The following TTC23 variants were observed in gnomAD, a reference collection of about 807,000 sequenced individuals.
TTC23 encodes tetratricopeptide repeat domain 23.
In TTC23, 58 loss-of-function variants were observed where a neutral mutation model predicts 55.1. The observed-to-expected ratio is 1.05, with a 90% confidence interval of 0.85 to 1.31. The LOEUF is 1.31. TTC23 is among the 50% of genes most tolerant of loss of function. The pLI, the probability that TTC23 is intolerant of heterozygous loss-of-function variation, is 0.00. For synonymous variants in TTC23, 203 were observed against 199.9 expected (o/e 1.02, Z -0.13); for missense variants, 516 against 534.4 (o/e 0.97, Z 0.34).
At chr15:99,232,816 A>T (rs1017812774) in intron 4 of TTC23, among the ~76,000 whole-genome samples, 1 of 152,214 alleles carries the variant, frequency 6.6e-6, no homozygotes, top group African/African-American at 2.4e-5. Flanking sequence ...GTATTAGTAT[A>T]TTGAAGAGAT....
intron 12 of TTC23, 115 bp from the exon 13 acceptor site, chr15:99,139,514 G>T (rs1170777830): frequency 6.4e-7 from 1 of 1,555,942 alleles, no homozygotes; most frequent in Non-Finnish European, 8.7e-7. Flanking sequence ...TGCTGTGATG[G>T]AATTAGCATG....
Position 99,138,063 on chromosome 15 carries a change from T to C in TTC23, c.1291A>G (p.Ile431Val), listed in dbSNP as rs1016351806. 1.2e-6 allele frequency: 2 copies of C among 1,613,998 alleles called. No homozygotes were observed. Among genetic ancestry groups the C allele is most frequent in the Non-Finnish European group, 8.5e-7 (1 of 1,180,008 alleles). ...SKAKVAFCTSIPQDTLLGKAR... is the reference protein window; with the variant it reads ...SKAKVAFCTSVPQDTLLGKAR... ...TTCCCCAGCAGGGTGTCCTGAGGGATGCTGGTGCAGAAGGCCACTTTGGCT... is the reference window on the plus strand; with the variant it reads ...TTCCCCAGCAGGGTGTCCTGAGGGACGCTGGTGCAGAAGGCCACTTTGGCT... The change falls in exon 14 of 14, where the codon ATC becomes GTC. Residue 431 changes from isoleucine (I) to valine (V), a missense_variant. Ile to Val is a conservative substitution (Grantham distance 29, BLOSUM62 3). Coordinates refer to ENST00000394132, the MANE Select transcript of TTC23 (RefSeq NM_001288615.3).
chr15:99,164,188 G>A (rs1014855870), intron 10 of TTC23, among the ~76,000 whole-genome samples: 1 of 152,228 alleles, frequency 6.6e-6, no homozygotes, highest in Admixed American at 6.5e-5. Context: ...AACTTATTCT[G>A]TAAAGGACAG....
chr15:99,208,443 A>T (rs1471975874), intron 8 of TTC23, among the ~76,000 whole-genome samples: 1 of 152,184 alleles, frequency 6.6e-6, no homozygotes, highest in Non-Finnish European at 1.5e-5. Context: ...AGTAGTGTGT[A>T]TACTATTCTT....
rs781808190 is a variant in TTC23, at chr15:99,138,028, G to A, written c.1326C>T (p.Pro442=). 1.3e-5 allele frequency: 21 copies of A among 1,613,912 alleles called. No individual in the cohort carries two copies. The highest frequency in any genetic ancestry group is 1.4e-5 in the Non-Finnish European group (17 of 1,179,994). ...PQDTLLGKAR[P]GTTAD is the part of the protein sequence containing the mutation. ...GGGGGCCTCAGTCTGCTGTTGTGCCGGGCCGGGCCTTCCCCAGCAGGGTGT... is the reference window on the plus strand; with the variant it reads ...GGGGGCCTCAGTCTGCTGTTGTGCCAGGCCGGGCCTTCCCCAGCAGGGTGT... Residue 442 remains proline (P), a synonymous_variant, in exon 14 of 14, where the codon CCC becomes CCT. Transcript: ENST00000394132.
intron 10 of TTC23, among the ~76,000 whole-genome samples, chr15:99,166,543 G>A (rs1353037845): frequency 1.3e-5 from 2 of 152,194 alleles, no homozygotes; most frequent in South Asian, 4.1e-4. Flanking sequence ...GAAGGGAGGA[G>A]AGTGCGGAAG....
At chr15:99,148,243 C>T (rs570288845) in intron 12 of TTC23, among the ~76,000 whole-genome samples, 4 of 150,722 alleles carry the variant, frequency 2.7e-5, no homozygotes, top group African/African-American at 9.8e-5. Context: ...TGCCTGTAGT[C>T]CAAACTACTC....
At chr15:99,161,666 C>A (rs2071394637) in intron 11 of TTC23, 74 bp downstream of exon 11, 1 of 1,523,546 alleles carries the variant, frequency 6.6e-7, no homozygotes, top group Non-Finnish European at 8.9e-7. Context: ...TTAATGGATG[C>A]TTGCAGAGTA....
At chr15:99,236,982 G>GT (rs200232010) in intron 3 of TTC23, among the ~76,000 whole-genome samples, 61,193 of 141,490 alleles carry the variant, frequency 0.43, 13,096 homozygotes, top group Middle Eastern at 0.6. Context: ...TCACTCCTAA[G>GT]TTTTTTTTTT....
At chr15:99,251,022 C>T (rs1014545154), upstream of TTC23, 7 of 150,226 alleles carry the variant, frequency 4.7e-5, no homozygotes, top group South Asian at 2.1e-4. Context: ...TTAGAACGAA[C>T]GCTCAACGTG....
At chr15:99,239,537 A>C (rs1204927479) in intron 3 of TTC23, among the ~76,000 whole-genome samples, 3 of 152,134 alleles carry the variant, frequency 2.0e-5, no homozygotes, top group African/African-American at 4.8e-5. Context: ...ATAAATAAAA[A>C]CGTTAAAGGT....
At chr15:99,167,749 T>C (rs2072328844) in intron 10 of TTC23, among the ~76,000 whole-genome samples, 2 of 152,206 alleles carry the variant, frequency 1.3e-5, no homozygotes, top group Non-Finnish European at 2.9e-5. Flanking sequence ...TGCGTTCATT[T>C]TCCTGTGGCT....
chr15:99,165,198 T>C (rs1019048794), intron 10 of TTC23, among the ~76,000 whole-genome samples: 2 of 152,014 alleles, frequency 1.3e-5, no homozygotes, highest in African/African-American at 4.8e-5. Flanking sequence ...GAAATGGACA[T>C]TGAGAGGACA....
chr15:99,171,534 C>T (rs1471556782), intron 10 of TTC23, among the ~76,000 whole-genome samples: 1 of 141,044 alleles, frequency 7.1e-6, no homozygotes, highest in Non-Finnish European at 1.5e-5. Flanking sequence ...TATTATGATT[C>T]TTGCTTGCTC....
intron 12 of TTC23, among the ~76,000 whole-genome samples, chr15:99,154,012 G>C (rs1478002021): frequency 2.0e-5 from 3 of 152,088 alleles, no homozygotes; most frequent in Non-Finnish European, 4.4e-5. Flanking sequence ...AGAAAAATAC[G>C]GTTTGCCAAA....
rs1175561784 is a variant in TTC23, at chr15:99,137,912, C to T, written c.*98G>A. 7.1e-6 allele frequency: 11 copies of T among 1,556,472 alleles called. No individual in the cohort carries two copies. Among genetic ancestry groups the T allele is most frequent in the Non-Finnish European group, 8.7e-6 (10 of 1,143,536 alleles). On this transcript the variant is annotated 3_prime_UTR_variant, in exon 14 of 14. Coordinates refer to ENST00000394132, the MANE Select transcript of TTC23 (RefSeq NM_001288615.3). ...AACAGTTGGCCTTGGAAATCTGTAT[C>T]CTGACTGTTGAATTCCATTTTCTAG...
In TTC23 at chr15:99,136,787, G is replaced by C. The variant is rs1050090015; in HGVS notation, c.*1223C>G. The stretch of plus-strand genomic sequence containing the variant: ...TACACGTTTTTAGCACACTGCTGAT[G>C]TCCGACAGGCCTGGGTCTGGGACCA... On this transcript the variant is annotated 3_prime_UTR_variant, in exon 14 of 14. Coordinates refer to ENST00000394132, the MANE Select transcript of TTC23 (RefSeq NM_001288615.3). The C allele has an allele frequency of 4.6e-5, 7 of 152,242 alleles. No individual in the cohort carries two copies. Among genetic ancestry groups the C allele is most frequent in the Non-Finnish European group, 1.0e-4 (7 of 68,040 alleles). The allele number at this position is 152,242 out of a possible 1,614,324, so 9.4% of individuals were successfully genotyped here.
intron 8 of TTC23, among the ~76,000 whole-genome samples, chr15:99,203,660 T>A (rs1472768307): frequency 6.6e-6 from 1 of 152,048 alleles, no homozygotes; most frequent in African/African-American, 2.4e-5. Context: ...TAACCATCAT[T>A]CTGCTCTCTA....
intron 9 of TTC23, among the ~76,000 whole-genome samples, chr15:99,178,307 C>T (rs1355222423): frequency 6.6e-6 from 1 of 152,158 alleles, no homozygotes; most frequent in East Asian, 1.9e-4. Flanking sequence ...ATTCATTATT[C>T]ACTTCAGAAA....
Sources: gnomAD v4.1 joint callset for allele counts (sites outside exome capture counted in the v4.1 genomes callset) on GRCh38, gnomAD v4.1.1 for gene constraint, MANE v1.5 for transcripts, NCBI Gene and HGNC (gene_info 2026-07-23, HGNC 2026-07-21) for gene names.